The following GORASP2 variants were observed in gnomAD, a reference collection of about 807,000 sequenced individuals.
GORASP2 encodes golgi reassembly stacking protein 2, also known as Golgi reassembly-stacking protein 2.
A neutral mutation model predicts 45.7 loss-of-function variants in GORASP2; 22 were observed. The ratio of observed to expected loss-of-function variants is 0.48; its 90% CI spans 0.34 to 0.69. The LOEUF is 0.69. Ranked by LOEUF, GORASP2 falls within the 30% of genes least tolerant of loss-of-function variation. GORASP2 has a pLI of 0.01. For synonymous variants in GORASP2, 221 were observed against 215.6 expected (o/e 1.02, Z -0.22); for missense variants, 491 against 562.7 (o/e 0.87, Z 1.29).
intron 1 of GORASP2, among the ~76,000 whole-genome samples, chr2:170,942,673 A>G (rs1403927677): frequency 6.6e-6 from 1 of 152,156 alleles, no homozygotes; most frequent in Non-Finnish European, 1.5e-5. Context: ...ATTTGTGTAC[A>G]GGTTTTTGCA....
At chr2:170,960,797 AG>A (rs1704539584) in intron 7 of GORASP2, among the ~76,000 whole-genome samples, 1 of 152,228 alleles carries the variant, frequency 6.6e-6, no homozygotes, top group African/African-American at 2.4e-5. Flanking sequence ...TGAATTCCGC[AG>A]AAAAGTAGAT....
chr2:170,951,537 T>C, intron 5 of GORASP2, 79 bp downstream of exon 5: 1 of 1,144,806 alleles, frequency 8.7e-7, no homozygotes. Flanking sequence ...TTGTTTTTAT[T>C]TTGAAAGAAA....
intron 7 of GORASP2, among the ~76,000 whole-genome samples, chr2:170,958,297 T>C (rs1382702337): frequency 6.6e-6 from 1 of 152,226 alleles, no homozygotes; most frequent in Non-Finnish European, 1.5e-5. Context: ...GATAAATAAT[T>C]TGCCTACCAT....
At chr2:170,943,476 T>C (rs1384231114) in intron 1 of GORASP2, among the ~76,000 whole-genome samples, 1 of 152,174 alleles carries the variant, frequency 6.6e-6, no homozygotes, top group Non-Finnish European at 1.5e-5. Context: ...ACTTAACTCA[T>C]TGAATCTTTA....
At chr2:170,933,068 A>G (rs1395395773) in intron 1 of GORASP2, among the ~76,000 whole-genome samples, 2 of 152,164 alleles carry the variant, frequency 1.3e-5, no homozygotes, top group Non-Finnish European at 2.9e-5. Flanking sequence ...TATATTTTCT[A>G]GGATTTCTGA....
intron 1 of GORASP2, among the ~76,000 whole-genome samples, chr2:170,939,001 G>GA (rs140608343): frequency 0.023 from 3,486 of 152,080 alleles, 52 homozygotes; most frequent in Non-Finnish European, 0.037. Flanking sequence ...TCAAAAAAAA[G>GA]AAAAAAAGCA....
chr2:170,955,083 C>T (rs532617208), intron 6 of GORASP2, among the ~76,000 whole-genome samples: 23 of 150,826 alleles, frequency 1.5e-4, no homozygotes, highest in Non-Finnish European at 3.1e-4. Flanking sequence ...CTGGGTGGGT[C>T]GCCATCTTGA....
intron 1 of GORASP2, among the ~76,000 whole-genome samples, chr2:170,941,256 T>C (rs892905104): frequency 2.6e-5 from 4 of 152,346 alleles, no homozygotes; most frequent in Non-Finnish European, 4.4e-5. Flanking sequence ...AATATATCTT[T>C]TTATAATTAT....
chr2:170,961,004 G>A (rs950202409), intron 7 of GORASP2, among the ~76,000 whole-genome samples: 11 of 152,234 alleles, frequency 7.2e-5, no homozygotes, highest in African/African-American at 2.4e-4. Context: ...ACTGGGGTAG[G>A]TGGTAAACGT....
At chr2:170,955,871 A>C (rs1704414242) in intron 6 of GORASP2, among the ~76,000 whole-genome samples, 1 of 152,244 alleles carries the variant, frequency 6.6e-6, no homozygotes, top group Admixed American at 6.5e-5. Context: ...TTATTCAGAA[A>C]TGAAACCACC....
chr2:170,964,105 A>G (rs529986886), intron 9 of GORASP2, among the ~76,000 whole-genome samples: 2 of 152,396 alleles, frequency 1.3e-5, no homozygotes, highest in African/African-American at 4.8e-5. Flanking sequence ...TTTCTGTCTG[A>G]AAATGAAGCA....
At chr2:170,939,440 A>G (rs909696028) in intron 1 of GORASP2, among the ~76,000 whole-genome samples, 7 of 152,242 alleles carry the variant, frequency 4.6e-5, no homozygotes, top group Non-Finnish European at 8.8e-5. Flanking sequence ...ATTTGCAGAC[A>G]TAGAATATAG....
At chr2:170,934,732 T>G (rs1435174206) in intron 1 of GORASP2, among the ~76,000 whole-genome samples, 1 of 152,108 alleles carries the variant, frequency 6.6e-6, no homozygotes. Flanking sequence ...CTTTTTTTTC[T>G]TTTTTGTTTG....
chr2:170,959,506 T>G (rs1054836583), intron 7 of GORASP2, among the ~76,000 whole-genome samples: 2 of 152,180 alleles, frequency 1.3e-5, no homozygotes, highest in Non-Finnish European at 2.9e-5. Flanking sequence ...CACTTTTGAG[T>G]AAATAAATTT....
intron 9 of GORASP2, 52 bp downstream of exon 9, chr2:170,962,998 C>T (rs1197882042): frequency 1.7e-6 from 2 of 1,163,346 alleles, no homozygotes; most frequent in African/African-American, 1.5e-5. Flanking sequence ...AAGTTTTATT[C>T]AGGAATGCCC....
At position 170,954,530 on chromosome 2, in the gene GORASP2, G is replaced by A. The variant is rs146683621; in HGVS notation, c.567-120G>A. The A allele has an allele frequency of 9.4e-4, 639 of 678,470 alleles. 6 individuals carry two copies. In the East Asian group the frequency reaches 0.015, roughly 16 times the overall value. The allele number at this position is 678,470 out of a possible 1,614,324, so 42.0% of individuals were successfully genotyped here. A position where few individuals can be genotyped will look rare whatever the true frequency, so the allele number is the denominator to read the frequency against. Reference sequence around the variant, plus strand: ...ATCTTTTAAAATCTCAAAGAAGGGAGTGCATGTTCAGGGCAACTTGAATCT... The same window carrying A: ...ATCTTTTAAAATCTCAAAGAAGGGAATGCATGTTCAGGGCAACTTGAATCT... On this transcript the variant is annotated intron_variant, in intron 5 of 9. Coordinates refer to ENST00000234160, the MANE Select transcript of GORASP2 (RefSeq NM_015530.5).
At chr2:170,956,060 CAAAT>C (rs1704419558) in intron 6 of GORASP2, among the ~76,000 whole-genome samples, 1 of 152,078 alleles carries the variant, frequency 6.6e-6, no homozygotes, top group African/African-American at 2.4e-5. Flanking sequence ...AAAGTTAAAA[CAAAT>C]AAACCAGCTG....
chr2:170,954,813 T>A, intron 6 of GORASP2, 31 bp downstream of exon 6: 1 of 1,581,306 alleles, frequency 6.3e-7, no homozygotes. Context: ...GAGTATATCA[T>A]AAAGTTTTTA....
chr2:170,929,581 C>A, intron 1 of GORASP2, 178 bp downstream of exon 1: 1 of 575,616 alleles, frequency 1.7e-6, no homozygotes, highest in Non-Finnish European at 3.1e-6. Flanking sequence ...ATCCCACCTC[C>A]GCGGAGCGCC....
Sources: gnomAD v4.1 joint callset for allele counts (sites outside exome capture counted in the v4.1 genomes callset) on GRCh38, gnomAD v4.1.1 for gene constraint, MANE v1.5 for transcripts, NCBI Gene and HGNC (gene_info 2026-07-23, HGNC 2026-07-21) for gene names.